The following TAFA5 variants were observed in gnomAD, a reference collection of about 807,000 sequenced individuals.
The protein encoded by TAFA5 is TAFA chemokine like family member 5, also known as chemokine-like protein TAFA-5.
In TAFA5, 6 loss-of-function variants were observed where a neutral mutation model predicts 15.3. The ratio of observed to expected loss-of-function variants is 0.39; its 90% CI spans 0.21 to 0.77. The LOEUF (loss-of-function observed/expected upper bound fraction) is 0.77. Among genes scored for constraint, TAFA5 ranks in the 30% least tolerant of loss-of-function variants. TAFA5 has a pLI of 0.41. For missense variants in TAFA5, 161 were observed against 193.1 expected, an observed-to-expected ratio of 0.83 and a Z score of 0.98; for synonymous variants, 103 against 80.7, an observed-to-expected ratio of 1.28 and a Z score of -1.48.
chr22:48,748,984 G>T (rs1166738508), intron 3 of TAFA5, among the ~76,000 whole-genome samples: 1 of 152,174 alleles, frequency 6.6e-6, no homozygotes, highest in Non-Finnish European at 1.5e-5. Flanking sequence ...GGGCTGCCTG[G>T]GGCCCAGGGA....
At chr22:48,531,041 T>C (rs762688975) in intron 1 of TAFA5, among the ~76,000 whole-genome samples, 15 of 151,952 alleles carry the variant, frequency 9.9e-5, no homozygotes, top group Non-Finnish European at 2.1e-4. Flanking sequence ...GTCATGGGTG[T>C]GTGGACCGTC....
intron 2 of TAFA5, among the ~76,000 whole-genome samples, chr22:48,698,592 C>G (rs188306481): frequency 1.6e-3 from 120 of 74,688 alleles, no homozygotes; most frequent in African/African-American, 8.3e-3. Context: ...CTGAGTGGGG[C>G]ACATTCCTCA....
chr22:48,546,729 A>T, intron 1 of TAFA5: 1 of 395,394 alleles, frequency 2.5e-6, no homozygotes, highest in Admixed American at 2.8e-5. Flanking sequence ...CATGTTCCAC[A>T]CTCAAATGCC....
chr22:48,608,103 A>AGCCCCTCCCACGGCCCCAGGCTGCCT (rs1925264770), intron 1 of TAFA5, among the ~76,000 whole-genome samples: 3 of 151,036 alleles, frequency 2.0e-5, no homozygotes, highest in Non-Finnish European at 2.9e-5. Context: ...CCAGGCTGCC[A>AGCCCCTCCCACGGCCCCAGGCTGCCT]GCCCCTCCCA....
chr22:48,681,956 G>A lies in TAFA5; in HGVS notation c.263-25761G>A, dbSNP rs912630256. Among the ~76,000 whole-genome samples, 2 of 118,270 alleles carry A rather than the reference G, an allele frequency of 1.7e-5. 1 individual carries two copies. The highest frequency in any genetic ancestry group is 4.1e-5 in the Non-Finnish European group (2 of 48,542). 77.6% of individuals were successfully genotyped at this position (118,270 alleles called of 152,430 possible). ...AGCTGTGGAGTCTTTGCGAGGGTACGGGAGCTCCCCGTCAAGCAGACGTTG... is the reference window on the plus strand; with the variant it reads ...AGCTGTGGAGTCTTTGCGAGGGTACAGGAGCTCCCCGTCAAGCAGACGTTG... On this transcript the variant is annotated intron_variant, in intron 2 of 3. Coordinates refer to ENST00000402357, the MANE Select transcript of TAFA5 (RefSeq NM_001082967.3).
intron 1 of TAFA5, among the ~76,000 whole-genome samples, chr22:48,515,763 C>A (rs887177782): frequency 6.6e-6 from 1 of 152,178 alleles, no homozygotes; most frequent in East Asian, 1.9e-4. Context: ...AGGGACAGTG[C>A]GGGGACTTGG....
intron 3 of TAFA5, among the ~76,000 whole-genome samples, chr22:48,720,600 C>A (rs1222375629): frequency 6.6e-6 from 1 of 152,154 alleles, no homozygotes; most frequent in African/African-American, 2.4e-5. Context: ...TGGGGACCAT[C>A]CTCCGGCTAT....
At chr22:48,660,395 A>G (rs55923550) in intron 2 of TAFA5, among the ~76,000 whole-genome samples, 5,800 of 152,168 alleles carry the variant, frequency 0.038, 191 homozygotes, top group East Asian at 0.13. Flanking sequence ...TGGTGTGAAC[A>G]TTTTCTTTAT....
rs767437049 is a variant in TAFA5 at position 48,742,530 on chromosome 22, GTGGTGGACCCGGCCGCA to G, written c.391-7299_391-7283del. Among the ~76,000 whole-genome samples the G allele has an allele frequency of 4.2e-4, 64 of 152,124 alleles. No individual in the cohort carries two copies. Among genetic ancestry groups the G allele is most frequent in the Non-Finnish European group, 7.2e-4 (49 of 67,986 alleles). ...CCGGTGGCGTGGCAGACCAGGCGAC[GTGGTGGACCCGGCCGCA>G]TGGTGGACCAGGCAACGTGGTAGAC... On this transcript the variant is annotated intron_variant, in intron 3 of 3. Coordinates refer to ENST00000402357, the MANE Select transcript of TAFA5 (RefSeq NM_001082967.3). This position sits in a 1 kb window ranked among gnomAD's most constrained non-coding sequence, Gnocchi z 6.2.
chr22:48,692,612 A>G (rs959073380), intron 2 of TAFA5, among the ~76,000 whole-genome samples: 12 of 152,290 alleles, frequency 7.9e-5, no homozygotes, highest in African/African-American at 1.4e-4. Flanking sequence ...CAGTCTGATG[A>G]AGGTTAAGGA....
intron 2 of TAFA5, among the ~76,000 whole-genome samples, chr22:48,701,120 C>T (rs966971085): frequency 7.2e-5 from 11 of 152,162 alleles, no homozygotes; most frequent in African/African-American, 2.7e-4. Context: ...TCAGTGGGTG[C>T]CCGAGGCGGC....
chr22:48,646,521 G>A (rs1471573504), intron 1 of TAFA5, 76 bp from the exon 2 acceptor site: 3 of 1,546,316 alleles, frequency 1.9e-6, no homozygotes, highest in Admixed American at 1.8e-5. Context: ...CCCTCTGTGG[G>A]TGGGCTCTGG....
intron 2 of TAFA5, among the ~76,000 whole-genome samples, chr22:48,649,027 A>C (rs1926963365): frequency 6.6e-6 from 1 of 152,180 alleles, no homozygotes; most frequent in South Asian, 2.1e-4. Context: ...AAGACTGTGC[A>C]GGAACAGGCC....
At chr22:48,602,698 G>C (rs1925018683) in intron 1 of TAFA5, among the ~76,000 whole-genome samples, 1 of 152,202 alleles carries the variant, frequency 6.6e-6, no homozygotes, top group Non-Finnish European at 1.5e-5. Context: ...TTGGACTCTG[G>C]CTGTGGCCGT....
intron 1 of TAFA5, among the ~76,000 whole-genome samples, chr22:48,601,043 G>T (rs779282996): frequency 6.6e-6 from 1 of 152,220 alleles, no homozygotes; most frequent in South Asian, 2.1e-4. Flanking sequence ...AAGGGAGGAC[G>T]TACAGTCAGA....
chr22:48,632,200 A>G (rs945459841), intron 1 of TAFA5, among the ~76,000 whole-genome samples: 1 of 151,948 alleles, frequency 6.6e-6, no homozygotes. Context: ...ACCGTCCTCA[A>G]CCCTTACCGC....
chr22:48,696,693 C>T (rs1928723165), intron 2 of TAFA5, among the ~76,000 whole-genome samples: 1 of 152,240 alleles, frequency 6.6e-6, no homozygotes, highest in Admixed American at 6.5e-5. Context: ...ACCCCCATAC[C>T]ACTGTTGCTG....
At chr22:48,700,907 C>T (rs552923055) in intron 2 of TAFA5, among the ~76,000 whole-genome samples, 2 of 152,204 alleles carry the variant, frequency 1.3e-5, no homozygotes, top group African/African-American at 4.8e-5. Context: ...TTTGACGGTA[C>T]AGCTCCTCCC....
chr22:48,652,028 T>A (rs1407143305), intron 2 of TAFA5, among the ~76,000 whole-genome samples: 1 of 152,196 alleles, frequency 6.6e-6, no homozygotes, highest in Non-Finnish European at 1.5e-5. Context: ...TAGCTGCTCA[T>A]GATGCCCTAG....
Sources: gnomAD v4.1 joint callset for allele counts (sites outside exome capture counted in the v4.1 genomes callset) on GRCh38, gnomAD v4.1.1 for gene constraint, Gnocchi (gnomAD v3.1) non-coding constraint, MANE v1.5 for transcripts, NCBI Gene and HGNC (gene_info 2026-07-23, HGNC 2026-07-21) for gene names.